Variants in DPYD observed in about 807,000 individuals in gnomAD.
DPYD encodes the protein dihydropyrimidine dehydrogenase.
Under a neutral mutation model 116.2 loss-of-function variants are expected in DPYD, and 109 were observed. The ratio of observed to expected loss-of-function variants is 0.94; its 90% CI spans 0.80 to 1.10. The LOEUF is 1.10. Ranked by LOEUF, DPYD falls within the 50% of genes least tolerant of loss-of-function variation. The pLI is 0.00. For synonymous variants in DPYD, 440 were observed against 432.0 expected (o/e 1.02, Z -0.23); for missense variants, 1,302 against 1,254.5 (o/e 1.04, Z -0.57).
Position 97,168,703 on chromosome 1 carries a change from C to T in DPYD, c.2622+24366G>A, listed in dbSNP as rs1399288. 7.3e-3 allele frequency among the ~76,000 whole-genome samples: 1,116 copies of T among 152,140 alleles called. 17 individuals carry two copies. Among genetic ancestry groups the T allele is most frequent in the African/African-American group, 0.025 (1,046 of 41,486 alleles). Reference sequence around the variant, plus strand: ...TTTAACCAATGAGTTTAGATATATTCTAGATGACCAAATTGAACTTTAATA... The same window carrying T: ...TTTAACCAATGAGTTTAGATATATTTTAGATGACCAAATTGAACTTTAATA... On this transcript the variant is annotated intron_variant, in intron 20 of 22. Coordinates refer to ENST00000370192, the MANE Select transcript of DPYD (RefSeq NM_000110.4).
chr1:97,906,232 T>C (rs1673611348), intron 1 of DPYD, among the ~76,000 whole-genome samples: 1 of 152,058 alleles, frequency 6.6e-6, no homozygotes, highest in Non-Finnish European at 1.5e-5. Context: ...GTAACAAAAC[T>C]TATATGAATT....
intron 19 of DPYD, among the ~76,000 whole-genome samples, chr1:97,222,677 T>G (rs1023846744): frequency 6.6e-6 from 1 of 152,140 alleles, no homozygotes; most frequent in Non-Finnish European, 1.5e-5. Flanking sequence ...AAAAGCATTT[T>G]TTTCTTATAT....
At chr1:97,689,935 G>A (rs1660926979) in intron 7 of DPYD, among the ~76,000 whole-genome samples, 1 of 152,010 alleles carries the variant, frequency 6.6e-6, no homozygotes, top group Non-Finnish European at 1.5e-5. Context: ...AAAACAGCTT[G>A]AGAGATGGAC....
intron 16 of DPYD, among the ~76,000 whole-genome samples, chr1:97,373,157 G>T (rs1222949889): frequency 1.3e-5 from 2 of 152,128 alleles, no homozygotes; most frequent in Non-Finnish European, 2.9e-5. Flanking sequence ...AATGTAAAAT[G>T]CAATTTGTGC....
At chr1:97,865,121 CA>C in intron 2 of DPYD, among the ~76,000 whole-genome samples, 1 of 151,898 alleles carries the variant, frequency 6.6e-6, no homozygotes, top group East Asian at 1.9e-4. Context: ...ACATTCTCAC[CA>C]GGGGGTTTGA....
At chr1:97,262,355 T>C (rs1390106600) in intron 18 of DPYD, among the ~76,000 whole-genome samples, 2 of 152,064 alleles carry the variant, frequency 1.3e-5, no homozygotes, top group African/African-American at 4.8e-5. Flanking sequence ...AGATGAGCGA[T>C]TGCATGTAAA....
At chr1:97,232,483 C>T (rs1483169935) in intron 19 of DPYD, among the ~76,000 whole-genome samples, 2 of 151,654 alleles carry the variant, frequency 1.3e-5, no homozygotes, top group Non-Finnish European at 2.9e-5. Context: ...ATTTTTTTTC[C>T]ATTCCTGCCT....
intron 8 of DPYD, among the ~76,000 whole-genome samples, chr1:97,597,672 T>C (rs1232223350): frequency 6.6e-6 from 1 of 152,212 alleles, no homozygotes; most frequent in East Asian, 1.9e-4. Context: ...CAAAAGGCCT[T>C]AAGAACAAAA....
intron 18 of DPYD, among the ~76,000 whole-genome samples, chr1:97,238,185 A>G (rs112144008): frequency 8.0e-4 from 122 of 152,354 alleles, no homozygotes; most frequent in African/African-American, 2.8e-3. Context: ...CCTAATGAAC[A>G]GAAAATCTTT....
At chr1:97,601,258 C>T (rs1412785322) in intron 8 of DPYD, among the ~76,000 whole-genome samples, 1 of 151,938 alleles carries the variant, frequency 6.6e-6, no homozygotes, top group East Asian at 1.9e-4. Flanking sequence ...ATAAAGCATG[C>T]TGGTAAATCT....
chr1:97,273,540 C>T (rs1298819271), intron 18 of DPYD, among the ~76,000 whole-genome samples: 1 of 152,088 alleles, frequency 6.6e-6, no homozygotes. Context: ...CTGTCATGGA[C>T]TTTAAACAGT....
At chr1:97,719,725 G>A (rs1179286103) in intron 5 of DPYD, 11 of 984,370 alleles carry the variant, frequency 1.1e-5, no homozygotes, top group Non-Finnish European at 1.2e-5. Context: ...CACCCTAATC[G>A]GCCAACCCAA....
At chr1:97,114,414 T>C (rs1651817935) in intron 20 of DPYD, among the ~76,000 whole-genome samples, 1 of 152,108 alleles carries the variant, frequency 6.6e-6, no homozygotes, top group Non-Finnish European at 1.5e-5. Context: ...AAGGAGAAAA[T>C]AGCATAAGCA....
intron 13 of DPYD, among the ~76,000 whole-genome samples, chr1:97,453,461 GAC>G (rs558034783): frequency 6.6e-6 from 1 of 151,976 alleles, no homozygotes; most frequent in African/African-American, 2.4e-5. Flanking sequence ...GAATATAAAA[GAC>G]ACAGAATGGA....
intron 18 of DPYD, among the ~76,000 whole-genome samples, chr1:97,282,131 A>G (rs1377568371): frequency 6.6e-6 from 1 of 152,042 alleles, no homozygotes; most frequent in African/African-American, 2.4e-5. Context: ...GTAAGAGAAA[A>G]CCCACTGGTG....
At chr1:97,437,379 C>T (rs1188563905) in intron 14 of DPYD, among the ~76,000 whole-genome samples, 1 of 150,672 alleles carries the variant, frequency 6.6e-6, no homozygotes, top group African/African-American at 2.4e-5. Flanking sequence ...TATAATAGTT[C>T]ATTCTTTTTA....
At chr1:97,846,346 CT>C (rs1258988650) in intron 2 of DPYD, among the ~76,000 whole-genome samples, 6 of 152,094 alleles carry the variant, frequency 3.9e-5, no homozygotes, top group Non-Finnish European at 7.3e-5. Context: ...AATAAATAAA[CT>C]GTTTTCCTGA....
At chr1:97,111,025 C>T (rs1651557971) in intron 20 of DPYD, among the ~76,000 whole-genome samples, 1 of 150,264 alleles carries the variant, frequency 6.7e-6, no homozygotes, top group African/African-American at 2.5e-5. Flanking sequence ...TAAACAAAAC[C>T]CCCACTATTC....
chr1:97,724,082 T>C (rs1431780501), intron 4 of DPYD, among the ~76,000 whole-genome samples: 3 of 151,356 alleles, frequency 2.0e-5, no homozygotes, highest in Non-Finnish European at 4.4e-5. Context: ...ACTTGACAAA[T>C]TCAACATCCC....
Sources: gnomAD v4.1 joint callset for allele counts (sites outside exome capture counted in the v4.1 genomes callset) on GRCh38, gnomAD v4.1.1 for gene constraint, MANE v1.5 for transcripts, NCBI Gene and HGNC (gene_info 2026-07-23, HGNC 2026-07-21) for gene names.